Variants in PPM1B observed in about 807,000 individuals in gnomAD.
The protein encoded by PPM1B is protein phosphatase, Mg2+/Mn2+ dependent 1B.
PPM1B carries 22 observed loss-of-function variants against 43.0 expected under a neutral mutation model. That is an observed-to-expected ratio of 0.51 (90% CI 0.37 to 0.73). The LOEUF is 0.73. PPM1B is among the 30% of genes least tolerant of loss of function. The pLI, the probability that PPM1B is intolerant of heterozygous loss-of-function variation, is 0.00. For missense variants in PPM1B, 632 were observed against 584.2 expected, an observed-to-expected ratio of 1.08 and a Z score of -0.84; for synonymous variants, 217 against 197.9, an observed-to-expected ratio of 1.10 and a Z score of -0.81.
intron 1 of PPM1B, among the ~76,000 whole-genome samples, chr2:44,184,583 G>C (rs1668035061): frequency 6.6e-6 from 1 of 152,060 alleles, no homozygotes; most frequent in African/African-American, 2.4e-5. Context: ...TTTATTTCTA[G>C]ATCCACCTTC....
chr2:44,202,094 T>TA (rs1553332335), intron 2 of PPM1B, 49 bp downstream of exon 2: 8 of 1,454,198 alleles, frequency 5.5e-6, no homozygotes, highest in Admixed American at 2.5e-5. Flanking sequence ...TTTGAAAAGT[T>TA]ACGGTAGGTA....
intron 3 of PPM1B, among the ~76,000 whole-genome samples, chr2:44,214,026 A>T (rs774610968): frequency 5.9e-5 from 9 of 152,160 alleles, no homozygotes; most frequent in Non-Finnish European, 1.0e-4. Context: ...AACTTGCTTA[A>T]CCCCTCAAGG....
intron 2 of PPM1B, among the ~76,000 whole-genome samples, chr2:44,206,781 C>T (rs1301869379): frequency 6.6e-6 from 1 of 152,076 alleles, no homozygotes. Flanking sequence ...GGGCTAGTCT[C>T]AAACTCCTGG....
At chr2:44,219,504 C>A (rs1192226416) in intron 5 of PPM1B, among the ~76,000 whole-genome samples, 2 of 151,840 alleles carry the variant, frequency 1.3e-5, no homozygotes, top group Non-Finnish European at 2.9e-5. Flanking sequence ...TAAAAGTTAT[C>A]CTGGCAAAAA....
intron 5 of PPM1B, chr2:44,230,201 G>A (rs557874239): frequency 1.4e-6 from 2 of 1,415,662 alleles, no homozygotes; most frequent in East Asian, 2.5e-5. Flanking sequence ...ACATAAACTA[G>A]TTAATGGTAA....
intron 2 of PPM1B, among the ~76,000 whole-genome samples, chr2:44,205,614 T>A (rs568832081): frequency 1.1e-3 from 172 of 152,254 alleles, no homozygotes; most frequent in African/African-American, 4.0e-3. Context: ...TAAAATAGGA[T>A]TTTTTCTTTT....
At chr2:44,190,288 G>A (rs1668348956) in intron 1 of PPM1B, among the ~76,000 whole-genome samples, 1 of 151,630 alleles carries the variant, frequency 6.6e-6, no homozygotes, top group African/African-American at 2.4e-5. Context: ...TCGAGTAGCT[G>A]GGACTATAGG....
chr2:44,209,403 G>A (rs952776916), intron 3 of PPM1B, 76 bp downstream of exon 3: 247 of 1,490,794 alleles, frequency 1.7e-4, no homozygotes, highest in Non-Finnish European at 2.1e-4. Flanking sequence ...CACTTTTGTC[G>A]CCTGGGCGAC....
At chr2:44,221,245 C>G (rs1331672531) in intron 5 of PPM1B, among the ~76,000 whole-genome samples, 3 of 152,176 alleles carry the variant, frequency 2.0e-5, no homozygotes, top group African/African-American at 7.2e-5. Flanking sequence ...ACTGTGAAAA[C>G]TGACTTTACA....
At chr2:44,187,567 T>C (rs1416835791) in intron 1 of PPM1B, among the ~76,000 whole-genome samples, 1 of 152,226 alleles carries the variant, frequency 6.6e-6, no homozygotes, top group Non-Finnish European at 1.5e-5. Context: ...TGTCTAAACA[T>C]GGGATCTCTC....
At chr2:44,205,988 C>G (rs1459805742) in intron 2 of PPM1B, among the ~76,000 whole-genome samples, 5 of 152,124 alleles carry the variant, frequency 3.3e-5, no homozygotes, top group African/African-American at 1.2e-4. Context: ...TGCACTCCAG[C>G]CTGGGCGACA....
At position 44,218,078 on chromosome 2, in the gene PPM1B, A is replaced by G. The variant is rs1337067989; in HGVS notation, c.1076A>G (p.Lys359Arg). The G allele has an allele frequency of 1.2e-6, 2 of 1,604,526 alleles. No individual in the cohort carries two copies. Among genetic ancestry groups the G allele is most frequent in the East Asian group, 4.5e-5 (2 of 44,688 alleles). Residue 359 changes from lysine (K) to arginine (R), a missense_variant and splice_region_variant, in exon 4 of 6, where the codon AAG becomes AGG. Coordinates refer to ENST00000282412, the MANE Select transcript of PPM1B (RefSeq NM_002706.6). ...CCTCCTGGGGGAGGTCTTGCTGGCA[A>G]GTAAGTAGAACAAAAAGCTAATTTT... Reference protein sequence around the residue: ...NLPPGGGLAGKRNVIEAVYSR... With the variant: ...NLPPGGGLAGRRNVIEAVYSR...
chr2:44,177,850 A>T (rs1295318043), intron 1 of PPM1B, among the ~76,000 whole-genome samples: 6 of 142,684 alleles, frequency 4.2e-5, no homozygotes, highest in Admixed American at 1.4e-4. Flanking sequence ...TTTTTGTTCT[A>T]GTCCCTTTTT....
At chr2:44,206,351 GAAACA>G (rs976574154) in intron 2 of PPM1B, among the ~76,000 whole-genome samples, 2 of 152,180 alleles carry the variant, frequency 1.3e-5, no homozygotes, top group Non-Finnish European at 2.9e-5. Context: ...AACAGCTACT[GAAACA>G]TATTCATACT....
intron 1 of PPM1B, among the ~76,000 whole-genome samples, chr2:44,182,512 C>T (rs983093560): frequency 4.6e-5 from 7 of 152,284 alleles, no homozygotes; most frequent in Non-Finnish European, 5.9e-5. Flanking sequence ...CCACCTGCCT[C>T]GGCCTCCCAA....
At position 44,231,364 on chromosome 2, in the gene PPM1B, A is replaced by G. The variant is rs1056292864; in HGVS notation, c.*646A>G. On this transcript the variant is annotated 3_prime_UTR_variant, in exon 6 of 6. Transcript: ENST00000282412. Reference sequence around the variant, plus strand: ...TATTATTCATACAGCTTTGGTTTGTATATTCTGTATAGCCTAACTACACAC... The same window carrying G: ...TATTATTCATACAGCTTTGGTTTGTGTATTCTGTATAGCCTAACTACACAC... 1.0e-6 allele frequency: 1 copy of G among 974,706 alleles called. No homozygotes were observed. The highest frequency in any genetic ancestry group is 1.1e-4 in the East Asian group (1 of 8,754). The allele number at this position is 974,706 out of a possible 1,614,324, so 60.4% of individuals were successfully genotyped here. A position where few individuals can be genotyped will look rare whatever the true frequency, so the allele number is the denominator to read the frequency against.
chr2:44,181,411 A>G (rs560953448), intron 1 of PPM1B, among the ~76,000 whole-genome samples: 1 of 152,194 alleles, frequency 6.6e-6, no homozygotes, highest in Non-Finnish European at 1.5e-5. Context: ...AAACCACTGC[A>G]TCTTTTAGGG....
intron 1 of PPM1B, among the ~76,000 whole-genome samples, chr2:44,190,893 G>C (rs1182778997): frequency 6.6e-6 from 1 of 152,154 alleles, no homozygotes; most frequent in Non-Finnish European, 1.5e-5. Context: ...ATTTTACTGA[G>C]ACATGAACTG....
At chr2:44,203,450 G>T (rs1356547946) in intron 2 of PPM1B, among the ~76,000 whole-genome samples, 1 of 141,532 alleles carries the variant, frequency 7.1e-6, no homozygotes, top group Admixed American at 7.8e-5. Context: ...ACTAGCTAAT[G>T]AAAACAGCAT....
Sources: gnomAD v4.1 joint callset for allele counts (sites outside exome capture counted in the v4.1 genomes callset) on GRCh38, gnomAD v4.1.1 for gene constraint, MANE v1.5 for transcripts, NCBI Gene and HGNC (gene_info 2026-07-23, HGNC 2026-07-21) for gene names.